SHPRH: variants seen among roughly 807,000 people sequenced by gnomAD.
SHPRH encodes SNF2 histone linker PHD RING helicase, also known as E3 ubiquitin-protein ligase SHPRH.
In SHPRH, 106 loss-of-function variants were observed where a neutral mutation model predicts 202.5. The observed-to-expected ratio is 0.52, with a 90% confidence interval of 0.45 to 0.62. The LOEUF (loss-of-function observed/expected upper bound fraction) is 0.62. SHPRH is among the 20% of genes least tolerant of loss of function. The probability of loss-of-function intolerance (pLI) is 0.00; values close to 1 mark genes in which losing one functional copy is unlikely to be tolerated. For missense variants in SHPRH, 1,710 were observed against 2,020.0 expected (o/e 0.85, Z 2.94); for synonymous variants, 729 against 686.0 (o/e 1.06, Z -0.98).
At chr6:145,859,533 A>T (rs1779516312), downstream of SHPRH, among the ~76,000 whole-genome samples, 1 of 152,182 alleles carries the variant, frequency 6.6e-6, no homozygotes, top group African/African-American at 2.4e-5. Context: ...TACAAAAGGT[A>T]ATGTTAGAAT....
chr6:145,922,606 G>C, intron 19 of SHPRH, 57 bp downstream of exon 19: 1 of 1,517,844 alleles, frequency 6.6e-7, no homozygotes, highest in Non-Finnish European at 8.8e-7. Flanking sequence ...TCTTCTCTAA[G>C]AAATCTAGCT....
Position 145,913,460 on chromosome 6 carries a change from T to A in SHPRH, c.4326+18A>T. The A allele has an allele frequency of 6.3e-7, 1 of 1,594,256 alleles. No individual in the cohort carries two copies. Among genetic ancestry groups the A allele is most frequent in the South Asian group, 1.1e-5 (1 of 88,808 alleles). ...TAAGGTATTTTATAAATGCATGTGA[T>A]GTTTATCATAATTTTACCTGTTTTC... On this transcript the variant is annotated intron_variant, in intron 24 of 29. Coordinates refer to ENST00000275233, the MANE Select transcript of SHPRH (RefSeq NM_001042683.3).
At chr6:145,910,240 C>A in intron 25 of SHPRH, 1 of 533,802 alleles carries the variant, frequency 1.9e-6, no homozygotes. Context: ...CTATCGCTAA[C>A]CATGTTTGAA....
At chr6:145,929,044 C>T (rs1260819799) in intron 14 of SHPRH, among the ~76,000 whole-genome samples, 2 of 151,736 alleles carry the variant, frequency 1.3e-5, no homozygotes, top group African/African-American at 4.8e-5. Context: ...TTCATAATTA[C>T]CATACCTTTT....
chr6:145,910,594 T>C lies in SHPRH; in HGVS notation c.4369A>G (p.Ile1457Val), dbSNP rs377604084. 13 of 1,612,502 alleles carry C rather than the reference T, an allele frequency of 8.1e-6. No individual in the cohort carries two copies. The highest frequency in any genetic ancestry group is 6.7e-5 in the African/African-American group (5 of 74,698). ...TCGHCFCNEC[I>V]SIIIEQYSVG... is the part of the protein sequence containing the mutation. The stretch of plus-strand genomic sequence containing the variant: ...CTGTATTGTTCAATAATTATAGAAA[T>C]GCATTCATTACAGAAACAGTGACCA... Residue 1457 changes from isoleucine (I) to valine (V), a missense_variant, in exon 25 of 30, where the codon ATT becomes GTT. Physicochemically the swap from Ile to Val is conservative, Grantham distance 29 (BLOSUM62 3). Transcript: ENST00000275233.
At chr6:145,880,920 C>T (rs1357134541), downstream of SHPRH, among the ~76,000 whole-genome samples, 1 of 152,140 alleles carries the variant, frequency 6.6e-6, no homozygotes, top group Non-Finnish European at 1.5e-5. Context: ...ATAAAAGCTT[C>T]TCACATTCGT....
chr6:145,906,799 G>A (rs917741853), intron 25 of SHPRH: 1 of 152,008 alleles, frequency 6.6e-6, no homozygotes, highest in Non-Finnish European at 1.5e-5. Flanking sequence ...CTCTACATTT[G>A]TATTAAAAGA....
At chr6:145,879,379 A>G (rs781684685) in intron 2 of SHPRH, among the ~76,000 whole-genome samples, 40 of 152,146 alleles carry the variant, frequency 2.6e-4, no homozygotes, top group Admixed American at 7.2e-4. Flanking sequence ...GGAACTTAAC[A>G]CCATATATTT....
At chr6:145,944,501 G>GC (rs371406052) in intron 8 of SHPRH, among the ~76,000 whole-genome samples, 57,647 of 151,906 alleles carry the variant, frequency 0.38, 13,318 homozygotes, top group Non-Finnish European at 0.5. Flanking sequence ...CAGGGCTGAG[G>GC]TCGAACAGGG....
At chr6:145,881,045 AG>A (rs1780542894), downstream of SHPRH, among the ~76,000 whole-genome samples, 1 of 152,216 alleles carries the variant, frequency 6.6e-6, no homozygotes, top group Non-Finnish European at 1.5e-5. Context: ...AAATGTAAAT[AG>A]GTTATTAGCT....
At chr6:145,867,701 G>A (rs1165534598) in intron 2 of SHPRH, among the ~76,000 whole-genome samples, 1 of 132,398 alleles carries the variant, frequency 7.6e-6, no homozygotes, top group Non-Finnish European at 1.6e-5. Flanking sequence ...ACAGACAGAA[G>A]AGAAAAGGCA....
intron 8 of SHPRH, 103 bp downstream of exon 8, chr6:145,945,278 T>C: frequency 1.5e-6 from 2 of 1,350,270 alleles, no homozygotes; most frequent in South Asian, 3.4e-5. Context: ...TTTTTTTATC[T>C]TCAGATCGTA....
chr6:145,950,564 T>C (rs528902576), intron 3 of SHPRH, 82 bp from the exon 4 acceptor site: 287 of 1,344,352 alleles, frequency 2.1e-4, no homozygotes, highest in Admixed American at 1.3e-3. Flanking sequence ...GAGCATACAA[T>C]GAACTTGCCC....
In SHPRH at chr6:145,922,778, T is replaced by C; in HGVS notation, c.3604A>G (p.Lys1202Glu). The change falls in exon 19 of 30, where the codon AAA becomes GAA. Residue 1202 changes from lysine to glutamate, a missense_variant. By Grantham distance (56) the Lys-to-Glu change is moderately conservative. Coordinates refer to ENST00000275233, the MANE Select transcript of SHPRH (RefSeq NM_001042683.3). Reference protein sequence around the residue: ...LLTTQMEELNKCQKLVREAVK... With the variant: ...LLTTQMEELNECQKLVREAVK... The stretch of plus-strand genomic sequence containing the variant: ...GCCTCTCTTACTAGCTTCTGGCATT[T>C]ATTTAGCTCTTCCATTTGTGTTGTA... The C allele has an allele frequency of 1.2e-6, 2 of 1,612,122 alleles. No individual in the cohort carries two copies. The highest frequency in any genetic ancestry group is 1.7e-6 in the Non-Finnish European group (2 of 1,178,782).
intron 22 of SHPRH, chr6:145,918,630 TC>T (rs1478184605): frequency 6.5e-6 from 1 of 153,154 alleles, no homozygotes; most frequent in East Asian, 1.9e-4. Flanking sequence ...CTTTCCTCTG[TC>T]CCCCTGGTAG....
rs140084390 is a variant in SHPRH at position 145,871,967 on chromosome 6, A to G, written c.222-7476T>C. Among the ~76,000 whole-genome samples, 306 of 152,348 alleles carry G rather than the reference A, an allele frequency of 2.0e-3. 1 individual carries two copies. Among genetic ancestry groups the G allele is most frequent in the African/African-American group, 7.1e-3 (294 of 41,582 alleles). ...GGAGAAAGGATTCCCTATTTAATAAATGGTGCTGGGAGAACTAGCTAGCCA... is the reference window on the plus strand; with the variant it reads ...GGAGAAAGGATTCCCTATTTAATAAGTGGTGCTGGGAGAACTAGCTAGCCA... On this transcript the variant is annotated intron_variant, in intron 2 of 2. Coordinates refer to the SHPRH transcript ENST00000417762.
At chr6:145,903,548 AGAGCCT>A in intron 25 of SHPRH, 1 of 152,216 alleles carries the variant, frequency 6.6e-6, no homozygotes, top group African/African-American at 2.4e-5. Flanking sequence ...TTATGGAGAC[AGAGCCT>A]GAACAAAAAT....
At chr6:145,866,170 A>G (rs1779771474) in intron 2 of SHPRH, among the ~76,000 whole-genome samples, 3 of 152,198 alleles carry the variant, frequency 2.0e-5, no homozygotes, top group African/African-American at 4.8e-5. Context: ...ATTAATTTCA[A>G]TATTCTTTTA....
At chr6:145,934,512 A>AAAATAAAATAAAATAAAATAAAAT (rs1785849789) in intron 13 of SHPRH, among the ~76,000 whole-genome samples, 2 of 53,292 alleles carry the variant, frequency 3.8e-5, no homozygotes, top group Admixed American at 3.9e-4. Context: ...TAAAATAAAA[A>AAAATAAAATAAAATAAAATAAAAT]GTAGCTGGCT....
Sources: allele counts gnomAD v4.1 joint callset (sites outside exome capture counted in the v4.1 genomes callset), GRCh38; gene constraint gnomAD v4.1.1; transcripts MANE v1.5; gene names NCBI Gene and HGNC (gene_info 2026-07-23, HGNC 2026-07-21).